Variants in CRYL1 observed in about 807,000 individuals in gnomAD.
CRYL1 encodes lambda-crystallin homolog.
A neutral mutation model predicts 36.6 loss-of-function variants in CRYL1; 29 were observed. The ratio of observed to expected loss-of-function variants is 0.79; its 90% CI spans 0.59 to 1.08. The LOEUF (loss-of-function observed/expected upper bound fraction) is 1.08. Among genes scored for constraint, CRYL1 ranks in the 50% least tolerant of loss-of-function variants. CRYL1 has a pLI of 0.00. For synonymous variants in CRYL1, 152 were observed against 151.5 expected, an observed-to-expected ratio of 1.00 and a Z score of -0.02; for missense variants, 411 against 407.9, an observed-to-expected ratio of 1.01 and a Z score of -0.06.
chr13:20,421,022 T>A lies in CRYL1; in HGVS notation c.634-7635A>T, dbSNP rs530016181. On this transcript the variant is annotated intron_variant, in intron 5 of 7. Coordinates refer to ENST00000298248, the MANE Select transcript of CRYL1 (RefSeq NM_015974.3). ...TCCTGGGATTACAGGCGTGAGCCAC[T>A]GCGCCCAGCCTAAAATAGAGCTTTT... Among the ~76,000 whole-genome samples the A allele has an allele frequency of 2.0e-5, 3 of 151,168 alleles. No homozygotes were observed. The Admixed American group carries it at 2.0e-4, about 10-fold the overall frequency.
Position 20,500,385 on chromosome 13 carries a change from A to C in CRYL1, c.150-10889T>G, listed in dbSNP as rs2033681915. 2.6e-5 allele frequency among the ~76,000 whole-genome samples: 4 copies of C among 151,156 alleles called. No homozygotes were observed. The Admixed American group carries it at 2.7e-4, about 10-fold the overall frequency. ...GCAATGTGTTTGTTTGCATACAGTT[A>C]ATAACAACATGTTTTCTTTGGTAAT... On this transcript the variant is annotated intron_variant, in intron 2 of 7. Transcript: ENST00000298248.
intron 4 of CRYL1, among the ~76,000 whole-genome samples, chr13:20,432,655 A>AC (rs990971209): frequency 2.0e-5 from 3 of 151,478 alleles, no homozygotes; most frequent in African/African-American, 4.9e-5. Context: ...CCAGCCCACC[A>AC]CCCCCCAGAA....
chr13:20,521,610 T>C (rs911476534), intron 1 of CRYL1, among the ~76,000 whole-genome samples: 6 of 152,196 alleles, frequency 3.9e-5, no homozygotes, highest in African/African-American at 7.2e-5. Flanking sequence ...ACTGTGACTA[T>C]TGCGACATGT....
chr13:20,471,791 TTTTC>T (rs145460379), intron 3 of CRYL1, among the ~76,000 whole-genome samples: 3,576 of 151,994 alleles, frequency 0.024, 149 homozygotes, highest in African/African-American at 0.081. Flanking sequence ...TCCCTGATTT[TTTTC>T]TTTCTTTCTT....
intron 2 of CRYL1, among the ~76,000 whole-genome samples, chr13:20,498,922 T>G (rs929341072): frequency 6.6e-6 from 1 of 152,232 alleles, no homozygotes; most frequent in East Asian, 1.9e-4. Flanking sequence ...CCTTTGATAT[T>G]TGACAGACTT....
chr13:20,407,808 A>T (rs1349277698), intron 6 of CRYL1, among the ~76,000 whole-genome samples: 1 of 152,234 alleles, frequency 6.6e-6, no homozygotes, highest in Non-Finnish European at 1.5e-5. Context: ...GCTGCTTTCT[A>T]ACTTGCGAGC....
At chr13:20,512,133 A>G (rs1034963835) in intron 2 of CRYL1, among the ~76,000 whole-genome samples, 1 of 152,178 alleles carries the variant, frequency 6.6e-6, no homozygotes, top group African/African-American at 2.4e-5. Flanking sequence ...TCCTGCCTAG[A>G]TGGAAGCAGG....
At chr13:20,452,236 C>T (rs2032585125) in intron 3 of CRYL1, among the ~76,000 whole-genome samples, 1 of 89,984 alleles carries the variant, frequency 1.1e-5, no homozygotes, top group African/African-American at 3.8e-5. Context: ...GACCATCAGA[C>T]CGAATTAAAA....
At chr13:20,460,649 C>T (rs2032794605) in intron 3 of CRYL1, among the ~76,000 whole-genome samples, 1 of 150,790 alleles carries the variant, frequency 6.6e-6, no homozygotes. Context: ...CCTCAGCCTC[C>T]CAAGTAGCCG....
intron 1 of CRYL1, among the ~76,000 whole-genome samples, chr13:20,517,697 G>A (rs9552222): frequency 0.72 from 109,889 of 151,954 alleles, 42,493 homozygotes; most frequent in East Asian, 0.98. Context: ...AGCGCTTTGG[G>A]AGGCCGAGGC....
chr13:20,411,714 C>G (rs1216355174), intron 6 of CRYL1, among the ~76,000 whole-genome samples: 6 of 152,144 alleles, frequency 3.9e-5, no homozygotes, highest in Non-Finnish European at 7.4e-5. Context: ...CTGCATGAGG[C>G]CATCTTTCTC....
At chr13:20,507,171 A>G (rs550813256) in intron 2 of CRYL1, among the ~76,000 whole-genome samples, 18 of 152,180 alleles carry the variant, frequency 1.2e-4, no homozygotes, top group Non-Finnish European at 2.5e-4. Context: ...AGTCTCAGGT[A>G]TGTCTTTATT....
chr13:20,405,920 C>G (rs2031361794), intron 6 of CRYL1: 1 of 152,354 alleles, frequency 6.6e-6, no homozygotes, highest in African/African-American at 2.4e-5. Context: ...TCACATTCCT[C>G]CCCTCCCTGC....
chr13:20,476,395 C>T (rs1401623554), intron 3 of CRYL1, among the ~76,000 whole-genome samples: 2 of 151,750 alleles, frequency 1.3e-5, no homozygotes, highest in Non-Finnish European at 2.9e-5. Flanking sequence ...GCAGGAAGGT[C>T]TCTGCTGGGC....
chr13:20,474,571 CACAGCCAA>C (rs1429604691), intron 3 of CRYL1, among the ~76,000 whole-genome samples: 1 of 123,652 alleles, frequency 8.1e-6, no homozygotes, highest in African/African-American at 2.6e-5. Context: ...AATATTTTTC[CACAGCCAA>C]ACCAAGTATT....
intron 3 of CRYL1, among the ~76,000 whole-genome samples, chr13:20,460,692 A>G (rs1044218921): frequency 6.6e-6 from 1 of 151,492 alleles, no homozygotes; most frequent in Non-Finnish European, 1.5e-5. Context: ...CGCCCGGCTA[A>G]TTTTTTGTAT....
chr13:20,493,824 C>T lies in CRYL1; in HGVS notation c.150-4328G>A, dbSNP rs370696907. On this transcript the variant is annotated intron_variant, in intron 2 of 7. Coordinates refer to ENST00000298248, the MANE Select transcript of CRYL1 (RefSeq NM_015974.3). Reference sequence around the variant, plus strand: ...TCAGGACTTTAGAAAAGGACACAGCCACCCTATAACTGCTGTGAGCTGCCA... The same window carrying T: ...TCAGGACTTTAGAAAAGGACACAGCTACCCTATAACTGCTGTGAGCTGCCA... Among the ~76,000 whole-genome samples the T allele has an allele frequency of 5.9e-5, 9 of 152,270 alleles. No individual in the cohort carries two copies. In the South Asian group the frequency reaches 1.9e-3, roughly 32 times the overall value.
chr13:20,466,498 C>T (rs1286501212), intron 3 of CRYL1, among the ~76,000 whole-genome samples: 2 of 152,198 alleles, frequency 1.3e-5, no homozygotes, highest in African/African-American at 4.8e-5. Flanking sequence ...AGATACTTCA[C>T]ATCCACACAC....
chr13:20,444,670 G>C (rs1410205546), intron 3 of CRYL1, among the ~76,000 whole-genome samples: 1 of 152,200 alleles, frequency 6.6e-6, no homozygotes, highest in African/African-American at 2.4e-5. Flanking sequence ...CAATTATATA[G>C]TTTTACTGCA....
Sources: gnomAD v4.1 joint callset for allele counts (sites outside exome capture counted in the v4.1 genomes callset) on GRCh38, gnomAD v4.1.1 for gene constraint, MANE v1.5 for transcripts, NCBI Gene and HGNC (gene_info 2026-07-23, HGNC 2026-07-21) for gene names.